The following DNAH8 variants were observed in gnomAD, a reference collection of about 807,000 sequenced individuals.
DNAH8 encodes the protein dynein axonemal heavy chain 8, also known as axonemal beta dynein heavy chain 8.
Under a neutral mutation model 562.1 loss-of-function variants are expected in DNAH8, and 382 were observed. The observed-to-expected ratio is 0.68, with a 90% CI of 0.63 to 0.74. DNAH8 has a LOEUF of 0.74. Among genes scored for constraint, DNAH8 ranks in the 30% least tolerant of loss-of-function variants. The pLI, the probability that DNAH8 is intolerant of heterozygous loss-of-function variation, is 0.00. For synonymous variants in DNAH8, 1,881 were observed against 1,919.4 expected (o/e 0.98, Z 0.52); for missense variants, 5,203 against 5,620.4 (o/e 0.93, Z 2.37).
intron 53 of DNAH8, 113 bp downstream of exon 53, chr6:38,875,941 G>A: frequency 2.8e-6 from 2 of 702,816 alleles, no homozygotes; most frequent in Admixed American, 2.9e-5. Context: ...AAACATAATT[G>A]TTAATACCAT....
intron 78 of DNAH8, 82 bp from the exon 79 acceptor site, chr6:38,938,716 C>G (rs558046600): frequency 1.1e-6 from 1 of 940,876 alleles, no homozygotes; most frequent in Admixed American, 2.5e-5. Context: ...ACGTACAAAC[C>G]TTCATGTGTA....
intron 71 of DNAH8, among the ~76,000 whole-genome samples, chr6:38,921,810 A>G (rs577250182): frequency 4.9e-4 from 74 of 152,294 alleles, no homozygotes; most frequent in South Asian, 2.7e-3. Context: ...GTGAGCAACA[A>G]GGCTGTTTAT....
At chr6:38,892,933 AATC>A (rs1487848544) in intron 58 of DNAH8, among the ~76,000 whole-genome samples, 2 of 152,084 alleles carry the variant, frequency 1.3e-5, no homozygotes, top group Non-Finnish European at 2.9e-5. Context: ...CGACTGTTCC[AATC>A]ATCCTCTAAA....
Position 38,887,019 on chromosome 6 carries a change from AGCGTTTATTTTATT to A in DNAH8, c.8473+18_8473+31del, listed in dbSNP as rs976763166. On this transcript the variant is annotated intron_variant, in intron 57 of 92. Transcript: ENST00000327475. The stretch of plus-strand genomic sequence containing the variant: ...CAAAATTTTTGGTATGAATATTCTT[AGCGTTTATTTTATT>A]GCATTACATAATGGACATAAACCAC... 13 of 1,550,360 alleles carry A rather than the reference AGCGTTTATTTTATT, an allele frequency of 8.4e-6. No homozygotes were observed. Among genetic ancestry groups the A allele is most frequent in the Non-Finnish European group, 1.2e-5 (13 of 1,122,980 alleles).
intron 80 of DNAH8, among the ~76,000 whole-genome samples, chr6:38,946,569 A>G (rs1375180591): frequency 6.6e-6 from 1 of 152,134 alleles, no homozygotes; most frequent in Admixed American, 6.5e-5. Flanking sequence ...CCAGCACTTT[A>G]GGAGGCTGAG....
At chr6:38,913,066 A>G (rs532862477) in intron 66 of DNAH8, among the ~76,000 whole-genome samples, 1 of 152,316 alleles carries the variant, frequency 6.6e-6, no homozygotes, top group African/African-American at 2.4e-5. Context: ...TTGGCCTCCC[A>G]AAGTTCTGGG....
intron 4 of DNAH8, among the ~76,000 whole-genome samples, chr6:38,731,774 G>C (rs1393472682): frequency 1.3e-5 from 2 of 152,156 alleles, no homozygotes; most frequent in Non-Finnish European, 2.9e-5. Context: ...GAGTGCAATG[G>C]TGCCATCTTG....
At chr6:38,982,230 C>G (rs1335804560) in intron 85 of DNAH8, 116 bp from the exon 86 acceptor site, 1 of 649,714 alleles carries the variant, frequency 1.5e-6, no homozygotes. Context: ...ATATACTATT[C>G]TTTTAAACTA....
At chr6:38,998,403 A>G (rs1356679824) in intron 88 of DNAH8, among the ~76,000 whole-genome samples, 1 of 152,202 alleles carries the variant, frequency 6.6e-6, no homozygotes, top group African/African-American at 2.4e-5. Flanking sequence ...AATGTCAAAA[A>G]TGGTTGCTTA....
intron 21 of DNAH8, among the ~76,000 whole-genome samples, chr6:38,799,666 A>G (rs1770601441): frequency 6.6e-6 from 1 of 152,188 alleles, no homozygotes; most frequent in South Asian, 2.1e-4. Context: ...AATGCTTTTC[A>G]GTATATTTAC....
chr6:38,753,656 A>G (rs1765661572), intron 9 of DNAH8, among the ~76,000 whole-genome samples: 2 of 152,212 alleles, frequency 1.3e-5, no homozygotes, highest in African/African-American at 4.8e-5. Context: ...TCAAGACTCC[A>G]AATTTTAAGG....
intron 88 of DNAH8, among the ~76,000 whole-genome samples, chr6:38,997,713 C>T (rs1469914201): frequency 6.6e-6 from 1 of 152,122 alleles, no homozygotes; most frequent in Admixed American, 6.5e-5. Context: ...ATTTATCTGA[C>T]CATCCATGGT....
chr6:39,021,836 A>C (rs1396327723), intron 91 of DNAH8, among the ~76,000 whole-genome samples: 1 of 152,236 alleles, frequency 6.6e-6, no homozygotes, highest in Non-Finnish European at 1.5e-5. Flanking sequence ...ATCATTACAA[A>C]ATGCCAACCA....
chr6:38,868,722 G>A (rs928497401), intron 48 of DNAH8, among the ~76,000 whole-genome samples: 14 of 151,444 alleles, frequency 9.2e-5, no homozygotes, highest in African/African-American at 3.4e-4. Context: ...CCAGGCTGGA[G>A]TGCAGTGGTG....
chr6:38,770,372 G>C, intron 11 of DNAH8, 41 bp from the exon 12 acceptor site: 1 of 1,373,336 alleles, frequency 7.3e-7, no homozygotes, highest in Non-Finnish European at 9.9e-7. Context: ...CTGAACAAAT[G>C]TCTCACTTTC....
chr6:38,731,624 G>A (rs1421165849), intron 4 of DNAH8, among the ~76,000 whole-genome samples: 2 of 152,204 alleles, frequency 1.3e-5, no homozygotes, highest in Non-Finnish European at 1.5e-5. Context: ...AATTGCCAGA[G>A]CAAAGGGTAC....
At chr6:39,001,187 G>A (rs1160858253) in intron 88 of DNAH8, among the ~76,000 whole-genome samples, 1 of 151,996 alleles carries the variant, frequency 6.6e-6, no homozygotes, top group African/African-American at 2.4e-5. Flanking sequence ...TTGGAATACG[G>A]TTATTTAATC....
At position 38,828,228 on chromosome 6, in the gene DNAH8, A is replaced by T; in HGVS notation, c.4128A>T (p.Lys1376Asn). 6.3e-7 allele frequency: 1 copy of T among 1,597,072 alleles called. No homozygotes were observed. Among genetic ancestry groups the T allele is most frequent in the Non-Finnish European group, 8.5e-7 (1 of 1,173,364 alleles). ...ILNRFEVEVT[K>N]EESEAVDTLR... is the part of the protein sequence containing the mutation. ...ACAGATTTGAAGTTGAAGTAACCAA[A>T]GAAGAATCAGAAGCAGTTGATACCT... Residue 1376 changes from lysine to asparagine, a missense_variant, in exon 30 of 93, where the codon AAA becomes AAT. Transcript: ENST00000327475.
intron 1 of DNAH8, among the ~76,000 whole-genome samples, chr6:38,715,903 A>AAAATAAATAAAT (rs767028862): frequency 2.0e-4 from 13 of 65,218 alleles, no homozygotes; most frequent in South Asian, 5.0e-4. Context: ...AAAAGCTATT[A>AAAATAAATAAAT]AAATAAATAA....
Sources: gnomAD v4.1 joint callset for allele counts (sites outside exome capture counted in the v4.1 genomes callset) on GRCh38, gnomAD v4.1.1 for gene constraint, MANE v1.5 for transcripts, NCBI Gene and HGNC (gene_info 2026-07-23, HGNC 2026-07-21) for gene names.